The following SLC15A4 variants were observed in gnomAD, a reference collection of about 807,000 sequenced individuals.
SLC15A4 encodes the protein hPHT1.
Under a neutral mutation model 46.1 loss-of-function variants are expected in SLC15A4, and 26 were observed. The ratio of observed to expected loss-of-function variants is 0.56; its 90% CI spans 0.41 to 0.78. The LOEUF (loss-of-function observed/expected upper bound fraction) is 0.78, where lower values mean the gene tolerates loss of function less well. Ranked by LOEUF, SLC15A4 falls within the 30% of genes least tolerant of loss-of-function variation. The pLI, the probability that SLC15A4 is intolerant of heterozygous loss-of-function variation, is 0.00. For synonymous variants in SLC15A4, 370 were observed against 333.4 expected (o/e 1.11, Z -1.20); for missense variants, 751 against 755.7 (o/e 0.99, Z 0.07).
At chr12:128,812,334 G>A (rs1036000901) in intron 2 of SLC15A4, among the ~76,000 whole-genome samples, 12 of 150,782 alleles carry the variant, frequency 8.0e-5, no homozygotes, top group East Asian at 3.9e-4. Flanking sequence ...TTATTTTTTC[G>A]TTTTTGAGAC....
At chr12:128,812,293 G>C (rs181629553) in intron 2 of SLC15A4, among the ~76,000 whole-genome samples, 12 of 152,160 alleles carry the variant, frequency 7.9e-5, no homozygotes, top group African/African-American at 2.2e-4. Flanking sequence ...TGCTTCCTCA[G>C]GCTTTGGAGG....
At chr12:128,798,181 C>T (rs983063581) in intron 7 of SLC15A4, among the ~76,000 whole-genome samples, 15 of 152,368 alleles carry the variant, frequency 9.8e-5, no homozygotes, top group African/African-American at 2.9e-4. Context: ...CCAGAATCTT[C>T]GTCTTCAGAA....
At chr12:128,795,058 CT>C (rs1213458333) in intron 7 of SLC15A4, among the ~76,000 whole-genome samples, 2 of 152,152 alleles carry the variant, frequency 1.3e-5, no homozygotes, top group Non-Finnish European at 2.9e-5. Flanking sequence ...CTGACTATCT[CT>C]TTATCGAATC....
At chr12:128,796,911 G>A (rs1368034877) in intron 7 of SLC15A4, among the ~76,000 whole-genome samples, 1 of 152,208 alleles carries the variant, frequency 6.6e-6, no homozygotes, top group Non-Finnish European at 1.5e-5. Context: ...CGGCCCTGCG[G>A]GAGTGGAGGT....
intron 1 of SLC15A4, among the ~76,000 whole-genome samples, chr12:128,818,181 C>T (rs563798378): frequency 2.0e-5 from 3 of 152,112 alleles, no homozygotes; most frequent in African/African-American, 4.8e-5. Flanking sequence ...CGATTGTGAC[C>T]TTTGAAAAAG....
chr12:128,804,966 C>T (rs1404567557), intron 5 of SLC15A4, among the ~76,000 whole-genome samples: 4 of 152,220 alleles, frequency 2.6e-5, no homozygotes, highest in African/African-American at 7.2e-5. Context: ...CACAGACGCA[C>T]ACGTGCTCAA....
chr12:128,807,457 C>T (rs1231430905), intron 5 of SLC15A4, among the ~76,000 whole-genome samples: 8 of 152,216 alleles, frequency 5.3e-5, no homozygotes, highest in African/African-American at 1.9e-4. Flanking sequence ...AGGGAGGGAA[C>T]GAGGACTCCC....
chr12:128,818,576 C>T (rs1002835083), intron 1 of SLC15A4, among the ~76,000 whole-genome samples: 9 of 152,222 alleles, frequency 5.9e-5, no homozygotes, highest in African/African-American at 1.9e-4. Context: ...TGGTCACGGG[C>T]AAGCACCCTG....
At chr12:128,803,552 C>A (rs957996424) in intron 5 of SLC15A4, among the ~76,000 whole-genome samples, 2 of 152,172 alleles carry the variant, frequency 1.3e-5, no homozygotes, top group African/African-American at 2.4e-5. Context: ...ATGCCACATG[C>A]GCTACCTTCC....
rs1955410630 is a variant in SLC15A4, at chr12:128,793,710, G to C, written c.*486C>G. The C allele has an allele frequency of 6.6e-6, 1 of 151,072 alleles. No homozygotes were observed. The highest frequency in any genetic ancestry group is 1.5e-5 in the Non-Finnish European group (1 of 67,986). 9.4% of individuals were successfully genotyped at this position (151,072 alleles called of 1,614,324 possible). On this transcript the variant is annotated 3_prime_UTR_variant, in exon 8 of 8. Transcript: ENST00000266771. ...AATATGGCATTTATGTAAAATCCTTGCAGCATCTGACCATGCTTTTATCTT... is the reference window on the plus strand; with the variant it reads ...AATATGGCATTTATGTAAAATCCTTCCAGCATCTGACCATGCTTTTATCTT...
At chr12:128,816,082 G>C (rs1955747186) in intron 1 of SLC15A4, among the ~76,000 whole-genome samples, 1 of 152,188 alleles carries the variant, frequency 6.6e-6, no homozygotes, top group South Asian at 2.1e-4. Flanking sequence ...TCTGATAAGG[G>C]TGGGATTTCC....
intron 1 of SLC15A4, among the ~76,000 whole-genome samples, chr12:128,818,834 C>T (rs983201457): frequency 3.3e-5 from 5 of 152,276 alleles, no homozygotes; most frequent in African/African-American, 1.2e-4. Context: ...TCGCCTCTTC[C>T]GGGCATTCCA....
At chr12:128,795,452 G>C (rs1382640924) in intron 7 of SLC15A4, among the ~76,000 whole-genome samples, 1 of 152,196 alleles carries the variant, frequency 6.6e-6, no homozygotes, top group Non-Finnish European at 1.5e-5. Flanking sequence ...TGCAGCTCAA[G>C]CTATAAGGCT....
At chr12:128,808,547 A>T (rs1038245250) in intron 5 of SLC15A4, among the ~76,000 whole-genome samples, 1 of 152,224 alleles carries the variant, frequency 6.6e-6, no homozygotes, top group Non-Finnish European at 1.5e-5. Context: ...ACTCAGTCCA[A>T]ATGTCACTTT....
At chr12:128,821,374 G>A (rs1020083584) in intron 1 of SLC15A4, among the ~76,000 whole-genome samples, 3 of 152,194 alleles carry the variant, frequency 2.0e-5, no homozygotes, top group African/African-American at 7.2e-5. Flanking sequence ...ACACTTCTGT[G>A]AAGGGGCAGG....
intron 7 of SLC15A4, among the ~76,000 whole-genome samples, chr12:128,797,512 C>T (rs970845870): frequency 2.0e-5 from 3 of 152,200 alleles, no homozygotes; most frequent in African/African-American, 4.8e-5. Flanking sequence ...ATGGTATGCA[C>T]GTTCTCCCCA....
chr12:128,810,197 A>G (rs1955639385), intron 2 of SLC15A4, 86 bp from the exon 3 acceptor site: 1 of 1,354,474 alleles, frequency 7.4e-7, no homozygotes, highest in East Asian at 2.3e-5. Flanking sequence ...GAGGTAAGAA[A>G]CCAGCTCACT....
rs772635877 is a variant in SLC15A4 at position 128,809,492 on chromosome 12, A to C, written c.1012-19T>G. On this transcript the variant is annotated intron_variant, in intron 3 of 7. Transcript: ENST00000266771. ...TCTGCATCTAGGTATAAAAAACAGT[A>C]TCATTATATGTGGACCAACTGTGCT... 8 of 1,540,460 alleles carry C rather than the reference A, an allele frequency of 5.2e-6. No individual in the cohort carries two copies. Among genetic ancestry groups the C allele is most frequent in the Non-Finnish European group, 6.2e-6 (7 of 1,120,244 alleles).
At position 128,809,965 on chromosome 12, in the gene SLC15A4, G is replaced by A; in HGVS notation, c.989C>T (p.Pro330Leu). ...CACTTGGAAATACACTGTCCAGTAAGGTATCAAAGCCAAGAAAACAGGGAC... is the reference window on the plus strand; with the variant it reads ...CACTTGGAAATACACTGTCCAGTAAAGTATCAAAGCCAAGAAAACAGGGAC... Reference protein sequence around the residue: ...KIVPVFLALIPYWTVYFQMQT... With the variant: ...KIVPVFLALILYWTVYFQMQT... The change falls in exon 3 of 8, where the codon CCT becomes CTT. Residue 330 changes from proline (P) to leucine (L), a missense_variant. Physicochemically the swap from Pro to Leu is moderately conservative, Grantham distance 98. Transcript: ENST00000266771. 9 of 1,614,014 alleles carry A rather than the reference G, an allele frequency of 5.6e-6. No individual in the cohort carries two copies. The highest frequency in any genetic ancestry group is 7.6e-6 in the Non-Finnish European group (9 of 1,180,008).
Sources: gnomAD v4.1 joint callset for allele counts (sites outside exome capture counted in the v4.1 genomes callset) on GRCh38, gnomAD v4.1.1 for gene constraint, MANE v1.5 for transcripts, NCBI Gene and HGNC (gene_info 2026-07-23, HGNC 2026-07-21) for gene names.